EDN1: variants seen among roughly 807,000 people sequenced by gnomAD.
EDN1 encodes the protein endothelin 1, also known as endothelin-1.
In EDN1, 11 loss-of-function variants were observed where a neutral mutation model predicts 21.7. That is an observed-to-expected ratio of 0.51 (90% CI 0.32 to 0.84). EDN1 has a LOEUF of 0.84. Ranked by LOEUF, EDN1 falls within the 40% of genes least tolerant of loss-of-function variation. EDN1 has a pLI of 0.03. For missense variants in EDN1, 244 were observed against 262.3 expected (o/e 0.93, Z 0.48); for synonymous variants, 85 against 90.6 (o/e 0.94, Z 0.35).
At chr6:12,268,738 T>C in the EDN1 span, among the ~76,000 whole-genome samples, 192 of 152,312 alleles carry the variant, frequency 1.3e-3, no homozygotes, top group Admixed American at 2.6e-3. Context: ...CATTTTGAAG[T>C]CAGGTAGTGT....
At chr6:12,281,734 ATATGT>A in the EDN1 span, among the ~76,000 whole-genome samples, 105 of 152,280 alleles carry the variant, frequency 6.9e-4, no homozygotes, top group East Asian at 0.016. Context: ...TATTTTTCTG[ATATGT>A]TATATTTGCT....
At chr6:12,274,939 CTCCT>C in the EDN1 span, among the ~76,000 whole-genome samples, 3,357 of 135,280 alleles carry the variant, frequency 0.025, 37 homozygotes, top group African/African-American at 0.034. Flanking sequence ...TTTCTTCCTT[CTCCT>C]TCCTTCCTTC....
At chr6:12,282,747 T>A in the EDN1 span, among the ~76,000 whole-genome samples, 1 of 152,202 alleles carries the variant, frequency 6.6e-6, no homozygotes, top group Admixed American at 6.5e-5. Context: ...CCCACATTTC[T>A]CTAAAATAAA....
At chr6:12,245,273 CTG>C in the EDN1 span, among the ~76,000 whole-genome samples, 3 of 152,034 alleles carry the variant, frequency 2.0e-5, no homozygotes, top group Admixed American at 1.3e-4. Flanking sequence ...GATGAGGAAA[CTG>C]AGAAAAAAAT....
At chr6:12,287,242 CTG>C (rs1471428401), upstream of EDN1, among the ~76,000 whole-genome samples, 3 of 148,426 alleles carry the variant, frequency 2.0e-5, no homozygotes, top group East Asian at 5.9e-4. Flanking sequence ...CTGAGAGTGA[CTG>C]TGGCCAAAAG....
chr6:12,247,844 GGAT>G, the EDN1 span, among the ~76,000 whole-genome samples: 1 of 151,818 alleles, frequency 6.6e-6, no homozygotes, highest in African/African-American at 2.4e-5. Context: ...CAGCTCTAAT[GGAT>G]GATTTCTATT....
the EDN1 span, among the ~76,000 whole-genome samples, chr6:12,257,960 A>C: frequency 6.6e-6 from 1 of 152,188 alleles, no homozygotes; most frequent in Admixed American, 6.5e-5. Flanking sequence ...TGCTCAAGTA[A>C]TAATCAAACT....
chr6:12,287,688 CCT>C (rs757039157), upstream of EDN1, among the ~76,000 whole-genome samples: 53 of 112,652 alleles, frequency 4.7e-4, no homozygotes, highest in East Asian at 8.2e-4. Flanking sequence ...TCTCTCTCTC[CCT>C]CTCTCTCTCT....
the EDN1 span, among the ~76,000 whole-genome samples, chr6:12,248,053 C>T: frequency 1.2e-3 from 176 of 152,094 alleles, 1 homozygote; most frequent in Admixed American, 2.2e-3. Context: ...TCCCTCCACT[C>T]TTGTCTTCTG....
At chr6:12,282,677 T>C in the EDN1 span, among the ~76,000 whole-genome samples, 1 of 152,188 alleles carries the variant, frequency 6.6e-6, no homozygotes, top group Non-Finnish European at 1.5e-5. Context: ...TAACCTTATC[T>C]TGAGCTATAA....
At chr6:12,293,188 C>T (rs1451097017) in intron 2 of EDN1, among the ~76,000 whole-genome samples, 2 of 152,212 alleles carry the variant, frequency 1.3e-5, no homozygotes, top group African/African-American at 2.4e-5. Context: ...TAAACAAGCA[C>T]ACATTTACTA....
the EDN1 span, among the ~76,000 whole-genome samples, chr6:12,245,192 C>A: frequency 6.6e-6 from 1 of 152,126 alleles, no homozygotes; most frequent in Non-Finnish European, 1.5e-5. Flanking sequence ...AAACATTTAT[C>A]ACGTATTATT....
At chr6:12,278,468 G>A in the EDN1 span, among the ~76,000 whole-genome samples, 2 of 152,154 alleles carry the variant, frequency 1.3e-5, no homozygotes, top group Admixed American at 6.5e-5. Context: ...GAGGGTCCTT[G>A]AGGGTCTTTA....
chr6:12,275,941 T>A, the EDN1 span, among the ~76,000 whole-genome samples: 1 of 151,970 alleles, frequency 6.6e-6, no homozygotes, highest in Admixed American at 6.6e-5. Flanking sequence ...GGTGGGTGGA[T>A]CACAAGGTCA....
the EDN1 span, among the ~76,000 whole-genome samples, chr6:12,260,984 T>A: frequency 6.6e-6 from 1 of 152,248 alleles, no homozygotes; most frequent in Non-Finnish European, 1.5e-5. Flanking sequence ...TGACAAAAGC[T>A]ATAAACATTC....
chr6:12,288,434 C>T (rs1047115946), upstream of EDN1, among the ~76,000 whole-genome samples: 1 of 152,140 alleles, frequency 6.6e-6, no homozygotes, highest in Non-Finnish European at 1.5e-5. Flanking sequence ...CGCTGGCTTC[C>T]GGCTCAGTGC....
the EDN1 span, among the ~76,000 whole-genome samples, chr6:12,236,965 T>G: frequency 1.3e-5 from 2 of 149,346 alleles, no homozygotes; most frequent in Non-Finnish European, 3.0e-5. Context: ...CCTAATGCTA[T>G]CCCTTCCCCC....
chr6:12,252,439 C>A, the EDN1 span, among the ~76,000 whole-genome samples: 2 of 152,160 alleles, frequency 1.3e-5, no homozygotes, highest in Non-Finnish European at 2.9e-5. Flanking sequence ...ATTTCTGTCC[C>A]TTGCCATGTT....
chr6:12,232,109 T>C, the EDN1 span, among the ~76,000 whole-genome samples: 4 of 146,676 alleles, frequency 2.7e-5, 1 homozygote, highest in African/African-American at 2.5e-5. Flanking sequence ...ATATATTTTA[T>C]ATTTTATTAT....
Sources: allele counts gnomAD v4.1 joint callset (sites outside exome capture counted in the v4.1 genomes callset), GRCh38; gene constraint gnomAD v4.1.1; transcripts MANE v1.5; gene names NCBI Gene and HGNC (gene_info 2026-07-23, HGNC 2026-07-21).